MTX2: variants seen among roughly 807,000 people sequenced by gnomAD.
The protein encoded by MTX2 is metaxin-2.
Under a neutral mutation model 42.3 loss-of-function variants are expected in MTX2, and 35 were observed. That is an observed-to-expected ratio of 0.83 (90% CI 0.63 to 1.10). MTX2 has a LOEUF of 1.10. Among genes scored for constraint, MTX2 ranks in the 50% least tolerant of loss-of-function variants. The probability of loss-of-function intolerance (pLI) is 0.00; values close to 1 mark genes in which losing one functional copy is unlikely to be tolerated. For synonymous variants in MTX2, 119 were observed against 100.9 expected (o/e 1.18, Z -1.08); for missense variants, 307 against 304.1 (o/e 1.01, Z -0.07).
intron 1 of MTX2, among the ~76,000 whole-genome samples, chr2:176,289,935 A>G (rs1693291579): frequency 6.6e-6 from 1 of 152,076 alleles, no homozygotes; most frequent in African/African-American, 2.4e-5. Context: ...TAACCTTGGG[A>G]CCACAAGGAA....
chr2:176,313,221 G>A (rs1368878549), intron 3 of MTX2, among the ~76,000 whole-genome samples: 1 of 151,748 alleles, frequency 6.6e-6, no homozygotes, highest in African/African-American at 2.4e-5. Context: ...TGTATAAAAT[G>A]TTTTACATAT....
At chr2:176,273,861 A>G (rs1015044420) in intron 1 of MTX2, among the ~76,000 whole-genome samples, 1 of 151,832 alleles carries the variant, frequency 6.6e-6, no homozygotes, top group Non-Finnish European at 1.5e-5. Flanking sequence ...GAGTCCATAC[A>G]CTGCAAGCCT....
At chr2:176,304,507 T>C (rs992805006) in intron 3 of MTX2, 3 of 152,034 alleles carry the variant, frequency 2.0e-5, no homozygotes, top group Non-Finnish European at 2.9e-5. Context: ...CTAACACTTT[T>C]CATTTATAAC....
intron 3 of MTX2, among the ~76,000 whole-genome samples, chr2:176,315,047 G>C (rs1415200433): frequency 6.6e-6 from 1 of 152,144 alleles, no homozygotes; most frequent in East Asian, 1.9e-4. Flanking sequence ...GTGCATAAAA[G>C]AGGTTGGGTG....
At chr2:176,311,441 T>G (rs946677503) in intron 3 of MTX2, among the ~76,000 whole-genome samples, 3 of 152,218 alleles carry the variant, frequency 2.0e-5, no homozygotes, top group Non-Finnish European at 4.4e-5. Flanking sequence ...TTCAGAGCTG[T>G]CAGACAGGGA....
At chr2:176,307,470 T>C (rs1481438068) in intron 3 of MTX2, among the ~76,000 whole-genome samples, 1 of 152,232 alleles carries the variant, frequency 6.6e-6, no homozygotes. Flanking sequence ...GGGGATGGCA[T>C]TGAATCTATA....
chr2:176,274,942 C>T (rs981833591), intron 1 of MTX2, among the ~76,000 whole-genome samples: 13 of 152,218 alleles, frequency 8.5e-5, no homozygotes, highest in African/African-American at 2.2e-4. Context: ...CAACACCTGG[C>T]GGAGAATATC....
intron 1 of MTX2, among the ~76,000 whole-genome samples, chr2:176,296,207 G>A (rs1456311362): frequency 6.6e-6 from 1 of 152,014 alleles, no homozygotes; most frequent in Admixed American, 6.5e-5. Context: ...ATCTTTACTG[G>A]CATTATTTCA....
intron 6 of MTX2, 39 bp from the exon 7 acceptor site, chr2:176,328,835 T>C (rs747019763): frequency 1.9e-6 from 3 of 1,579,302 alleles, no homozygotes; most frequent in Non-Finnish European, 2.6e-6. Context: ...TTTTCCTCTT[T>C]GGTATTCTAA....
chr2:176,300,601 A>C (rs916043166), intron 3 of MTX2, among the ~76,000 whole-genome samples: 1 of 152,084 alleles, frequency 6.6e-6, no homozygotes, highest in Non-Finnish European at 1.5e-5. Flanking sequence ...GCAAATACAT[A>C]TATGCTCTCA....
chr2:176,315,548 G>T lies in MTX2; in HGVS notation c.136-7844G>T, dbSNP rs77784991. Reference sequence around the variant, plus strand: ...TTCTGCTCTCAACAGTCTAATCTCTGTGTAGTTGTTTGTGTCCTTTGAAGG... The same window carrying T: ...TTCTGCTCTCAACAGTCTAATCTCTTTGTAGTTGTTTGTGTCCTTTGAAGG... On this transcript the variant is annotated intron_variant, in intron 3 of 9. Transcript: ENST00000249442. Among the ~76,000 whole-genome samples, 595 of 152,252 alleles carry T rather than the reference G, an allele frequency of 3.9e-3. 5 individuals carry two copies. The highest frequency in any genetic ancestry group is 4.0e-3 in the Non-Finnish European group (270 of 68,026).
intron 1 of MTX2, among the ~76,000 whole-genome samples, chr2:176,285,396 A>C (rs1361124812): frequency 6.7e-6 from 1 of 148,584 alleles, no homozygotes. Context: ...TATTTACATA[A>C]TTGTGTGACT....
intron 3 of MTX2, among the ~76,000 whole-genome samples, chr2:176,311,927 A>G (rs1051486157): frequency 2.6e-5 from 4 of 152,174 alleles, no homozygotes; most frequent in African/African-American, 9.6e-5. Context: ...ATCCAGTCCC[A>G]GTGAGATGAA....
At chr2:176,299,767 A>T (rs776687646) in intron 3 of MTX2, among the ~76,000 whole-genome samples, 6 of 152,116 alleles carry the variant, frequency 3.9e-5, no homozygotes, top group Non-Finnish European at 5.9e-5. Flanking sequence ...CATTTGATGT[A>T]TAAAATTGAT....
At chr2:176,303,890 C>G (rs903009641) in intron 3 of MTX2, among the ~76,000 whole-genome samples, 1 of 151,922 alleles carries the variant, frequency 6.6e-6, no homozygotes, top group African/African-American at 2.4e-5. Context: ...TCCTGTAGTT[C>G]TGAGAGATTG....
Position 176,337,638 on chromosome 2 carries a change from G to T in MTX2, c.766G>T (p.Asp256Tyr). Residue 256 changes from aspartate (D) to tyrosine (Y), a missense_variant, in exon 10 of 10, where the codon GAT becomes TAT. Asp to Tyr is a radical substitution (Grantham distance 160, BLOSUM62 -3). Transcript: ENST00000249442. The stretch of plus-strand genomic sequence containing the variant: ...GAGAATTGAACAGCACTATTTTGAA[G>T]ATCGTGGTAAAGGCAGGCTGTCATA... Reference protein sequence around the residue: ...CRRIEQHYFEDRGKGRLS With the variant: ...CRRIEQHYFEYRGKGRLS 1.2e-6 allele frequency: 2 copies of T among 1,610,126 alleles called. No homozygotes were observed. The highest frequency in any genetic ancestry group is 1.7e-6 in the Non-Finnish European group (2 of 1,178,154).
chr2:176,298,607 C>A (rs565376895), intron 3 of MTX2, among the ~76,000 whole-genome samples: 1 of 152,086 alleles, frequency 6.6e-6, no homozygotes, highest in East Asian at 1.9e-4. Context: ...TATTTAGCTG[C>A]CATTTACTTA....
rs879222358 is a variant in MTX2, at chr2:176,300,141, C to G, written c.135+2246C>G. On this transcript the variant is annotated intron_variant, in intron 3 of 9. Transcript: ENST00000249442. The stretch of plus-strand genomic sequence containing the variant: ...TACACACATGCACACACTAGAGAGA[C>G]AGAGAGAGAGAGAGAGATATCTTCC... Among the ~76,000 whole-genome samples the G allele has an allele frequency of 3.6e-5, 3 of 82,844 alleles. No homozygotes were observed. In the Admixed American group the frequency reaches 3.8e-4, roughly 11 times the overall value. 54.3% of individuals were successfully genotyped at this position (82,844 alleles called of 152,430 possible). A position where few individuals can be genotyped will look rare whatever the true frequency, so the allele number is the denominator to read the frequency against.
intron 3 of MTX2, among the ~76,000 whole-genome samples, chr2:176,317,301 C>T (rs1684471777): frequency 6.6e-6 from 1 of 151,984 alleles, no homozygotes; most frequent in African/African-American, 2.4e-5. Flanking sequence ...GATACTTGTA[C>T]ATACCTTATA....
Sources: gnomAD v4.1 joint callset for allele counts (sites outside exome capture counted in the v4.1 genomes callset) on GRCh38, gnomAD v4.1.1 for gene constraint, MANE v1.5 for transcripts, NCBI Gene and HGNC (gene_info 2026-07-23, HGNC 2026-07-21) for gene names.